The following VPS13C variants were observed in gnomAD, a reference collection of about 807,000 sequenced individuals.
The protein encoded by VPS13C is intermembrane lipid transfer protein VPS13C.
Under a neutral mutation model 456.8 loss-of-function variants are expected in VPS13C, and 358 were observed. The observed-to-expected ratio is 0.78, with a 90% CI of 0.72 to 0.86. VPS13C has a LOEUF of 0.86. VPS13C is among the 40% of genes least tolerant of loss of function. VPS13C has a pLI of 0.00. For missense variants in VPS13C, 4,818 were observed against 4,385.4 expected, an observed-to-expected ratio of 1.10 and a Z score of -2.79; for synonymous variants, 1,578 against 1,486.7, an observed-to-expected ratio of 1.06 and a Z score of -1.41.
At chr15:61,909,418 A>G (rs887254726) in intron 64 of VPS13C, among the ~76,000 whole-genome samples, 1 of 152,202 alleles carries the variant, frequency 6.6e-6, no homozygotes, top group Non-Finnish European at 1.5e-5. Flanking sequence ...CATATTGGCC[A>G]GGCTGGTCTC....
In VPS13C at chr15:61,951,826, G is replaced by C; in HGVS notation, c.4454C>G (p.Thr1485Ser). The C allele has an allele frequency of 1.2e-6, 2 of 1,607,994 alleles. No homozygotes were observed. Among genetic ancestry groups the C allele is most frequent in the African/African-American group, 1.3e-5 (1 of 74,824 alleles). The stretch of plus-strand genomic sequence containing the variant: ...CACAGACAATATTTCACACTTACCA[G>C]TGAAATCAAAGCACTGCATACTAAT... ...KKISMQCFDF[T>S]DSKGEPLHII... The change falls in exon 39 of 85, where the codon ACT becomes AGT. Residue 1485 changes from threonine to serine, a missense_variant and splice_region_variant. Around this residue, in one of 3 missense-constraint regions of VPS13C, gnomAD observed 4,552 missense variants for 4,130.6 expected, o/e 1.10. Transcript: ENST00000644861.
intron 67 of VPS13C, among the ~76,000 whole-genome samples, chr15:61,885,837 G>A (rs978981458): frequency 6.6e-5 from 10 of 151,994 alleles, no homozygotes; most frequent in African/African-American, 2.4e-4. Context: ...ACCTGTAGTT[G>A]TCCTAGGCAA....
At position 62,052,736 on chromosome 15, in the gene VPS13C, T is replaced by C. The variant is rs568060614; in HGVS notation, c.100+7539A>G. Among the ~76,000 whole-genome samples, 167 of 148,300 alleles carry C rather than the reference T, an allele frequency of 1.1e-3. 1 individual carries two copies. Among genetic ancestry groups the C allele is most frequent in the South Asian group, 1.9e-3 (9 of 4,660 alleles). Reference sequence around the variant, plus strand: ...ATTATAGCTATTCATTTCAAATGAATCTAGCTAGTCAACCCAAATTAACCA... The same window carrying C: ...ATTATAGCTATTCATTTCAAATGAACCTAGCTAGTCAACCCAAATTAACCA... On this transcript the variant is annotated intron_variant, in intron 1 of 84. Coordinates refer to ENST00000644861, the MANE Select transcript of VPS13C (RefSeq NM_020821.3).
chr15:61,993,841 G>C (rs539653534), intron 16 of VPS13C, among the ~76,000 whole-genome samples: 3 of 152,074 alleles, frequency 2.0e-5, no homozygotes, highest in African/African-American at 7.2e-5. Flanking sequence ...TCAAATTCTT[G>C]GTTTTGGTAT....
chr15:61,991,888 C>CTTT, intron 16 of VPS13C, 86 bp from the exon 17 acceptor site: 22 of 1,085,794 alleles, frequency 2.0e-5, no homozygotes, highest in East Asian at 5.7e-5. Flanking sequence ...AACAATGGTT[C>CTTT]TTTTTTTTTT....
chr15:61,860,953 CTTTT>C (rs781045840), intron 82 of VPS13C, among the ~76,000 whole-genome samples: 5 of 89,696 alleles, frequency 5.6e-5, no homozygotes, highest in Non-Finnish European at 1.1e-4. Context: ...TATTTTCTTT[CTTTT>C]TTTTTTTTTT....
chr15:61,921,189 G>C (rs1251683250), intron 55 of VPS13C, among the ~76,000 whole-genome samples: 1 of 152,036 alleles, frequency 6.6e-6, no homozygotes, highest in Non-Finnish European at 1.5e-5. Context: ...GAGAAAGGCA[G>C]GTCAGAAAAA....
At chr15:61,932,967 G>A (rs2140230083) in intron 49 of VPS13C, among the ~76,000 whole-genome samples, 1 of 152,156 alleles carries the variant, frequency 6.6e-6, no homozygotes, top group South Asian at 2.1e-4. Flanking sequence ...GATGGAAATG[G>A]CTACATGACA....
intron 50 of VPS13C, among the ~76,000 whole-genome samples, chr15:61,930,194 G>T (rs941375012): frequency 6.6e-6 from 1 of 152,136 alleles, no homozygotes; most frequent in African/African-American, 2.4e-5. Flanking sequence ...ACGAAAATTT[G>T]AGTCTGAAAG....
intron 67 of VPS13C, among the ~76,000 whole-genome samples, chr15:61,887,306 A>G (rs1896342252): frequency 6.6e-6 from 1 of 152,210 alleles, no homozygotes; most frequent in African/African-American, 2.4e-5. Context: ...CCAAAGAAAC[A>G]AACACTTAGG....
chr15:61,974,410 CTT>C lies in VPS13C; in HGVS notation c.2414_2415del (p.Lys805SerfsTer14). ...TGCATCAAAGGAAGTCCTCCTGACACTTTAAATCTAAAAATACAATTCAGTGG... is the reference window on the plus strand; with the variant it reads ...TGCATCAAAGGAAGTCCTCCTGACACTAAATCTAAAAATACAATTCAGTGG... Reference protein sequence around the residue: ...VEKDIRMARFKVSGGLPLMHV... With the variant: ...VEKDIRMARFXVSGGLPLMHV... On this transcript the variant is annotated frameshift_variant, in exon 25 of 85. Coordinates refer to ENST00000644861, the MANE Select transcript of VPS13C (RefSeq NM_020821.3). LOFTEE classifies it high-confidence loss of function. 1 of 1,611,576 alleles carries C rather than the reference CTT, an allele frequency of 6.2e-7. No homozygotes were observed. Among genetic ancestry groups the C allele is most frequent in the Non-Finnish European group, 8.5e-7 (1 of 1,178,470 alleles).
intron 66 of VPS13C, among the ~76,000 whole-genome samples, chr15:61,904,623 C>T (rs1049845275): frequency 1.3e-4 from 19 of 151,978 alleles, no homozygotes; most frequent in African/African-American, 4.3e-4. Flanking sequence ...AACTATAATC[C>T]GCAATTCCGC....
chr15:61,885,887 C>T (rs1183037600), intron 67 of VPS13C, among the ~76,000 whole-genome samples: 2 of 152,098 alleles, frequency 1.3e-5, no homozygotes, highest in South Asian at 4.1e-4. Flanking sequence ...CTTCAGACTC[C>T]GTGCTGACTT....
chr15:61,927,277 T>G lies in VPS13C; in HGVS notation c.6330A>C (p.Thr2110=), dbSNP rs1379940546. 1 of 1,614,208 alleles carries G rather than the reference T, an allele frequency of 6.2e-7. No homozygotes were observed. Among genetic ancestry groups the G allele is most frequent in the Admixed American group, 1.7e-5 (1 of 60,020 alleles). Residue 2110 remains threonine, a synonymous_variant, in exon 52 of 85, where the codon ACA becomes ACC. Transcript: ENST00000644861. ...RPNMTLKAMI[T]DPEVVFVASL... ...TGGCAACAAATACCACTTCTGGATCTGTGATCATGGCCTTTAAAGTCATAT... is the reference window on the plus strand; with the variant it reads ...TGGCAACAAATACCACTTCTGGATCGGTGATCATGGCCTTTAAAGTCATAT...
At chr15:62,027,242 C>A (rs76873244) in intron 6 of VPS13C, among the ~76,000 whole-genome samples, 3 of 151,788 alleles carry the variant, frequency 2.0e-5, no homozygotes, top group African/African-American at 7.3e-5. Flanking sequence ...CGTTAATATA[C>A]CTTTAAAAAA....
At chr15:61,961,443 A>AC (rs2045203744) in intron 35 of VPS13C, 146 bp downstream of exon 35, 6 of 681,312 alleles carry the variant, frequency 8.8e-6, no homozygotes, top group South Asian at 2.2e-5. Flanking sequence ...ACACACACAC[A>AC]AAACAATGAC....
chr15:62,008,440 GT>G (rs1339863145), intron 14 of VPS13C, among the ~76,000 whole-genome samples: 1 of 151,930 alleles, frequency 6.6e-6, no homozygotes, highest in African/African-American at 2.4e-5. Context: ...AGAAATACAA[GT>G]GGATGTTCAT....
At chr15:62,055,463 G>A (rs953980954) in intron 1 of VPS13C, among the ~76,000 whole-genome samples, 4 of 147,564 alleles carry the variant, frequency 2.7e-5, no homozygotes, top group Non-Finnish European at 5.9e-5. Flanking sequence ...GGATGGTCTC[G>A]ATCTCCTGAC....
intron 66 of VPS13C, among the ~76,000 whole-genome samples, chr15:61,899,975 T>C (rs2042947053): frequency 6.6e-6 from 1 of 152,128 alleles, no homozygotes; most frequent in Non-Finnish European, 1.5e-5. Context: ...AATCAATAAA[T>C]GTAATCCAGC....
Sources: allele counts gnomAD v4.1 joint callset (sites outside exome capture counted in the v4.1 genomes callset), GRCh38; gene constraint gnomAD v4.1.1; regional missense constraint gnomAD v4.1.1; transcripts MANE v1.5; gene names NCBI Gene and HGNC (gene_info 2026-07-23, HGNC 2026-07-21).